Variants in CSTL1 observed in about 807,000 individuals in gnomAD.
The protein encoded by CSTL1 is cystatin-like 1.
Under a neutral mutation model 14.4 loss-of-function variants are expected in CSTL1, and 14 were observed. The observed-to-expected ratio is 0.97, with a 90% CI of 0.64 to 1.52. The LOEUF is 1.52. CSTL1 is among the 40% of genes most tolerant of loss of function. CSTL1 has a pLI of 0.00. For synonymous variants in CSTL1, 72 were observed against 67.5 expected (o/e 1.07, Z -0.33); for missense variants, 170 against 168.7 (o/e 1.01, Z -0.04).
At chr20:23,443,164 C>T (rs1986876981) in intron 2 of CSTL1, among the ~76,000 whole-genome samples, 1 of 152,182 alleles carries the variant, frequency 6.6e-6, no homozygotes, top group East Asian at 1.9e-4. Context: ...AACTGAGATT[C>T]AGTAAAATTT....
At chr20:23,441,099 T>A (rs1007422830) in intron 2 of CSTL1, among the ~76,000 whole-genome samples, 1 of 152,208 alleles carries the variant, frequency 6.6e-6, no homozygotes, top group South Asian at 2.1e-4. Context: ...CATTCTGATA[T>A]TTGACCCTGC....
the CSTL1 span, among the ~76,000 whole-genome samples, chr20:23,456,286 T>C: frequency 6.6e-6 from 1 of 152,206 alleles, no homozygotes; most frequent in Non-Finnish European, 1.5e-5. Context: ...TTTTTGGAGA[T>C]GGTCAAAACT....
downstream of CSTL1, among the ~76,000 whole-genome samples, chr20:23,447,578 C>T (rs543599236): frequency 6.6e-6 from 1 of 152,100 alleles, no homozygotes; most frequent in South Asian, 2.1e-4. Context: ...CTGCCTCAGC[C>T]TCCCAAGTAG....
At chr20:23,440,729 G>A (rs1986809571) in intron 2 of CSTL1, 2 of 601,864 alleles carry the variant, frequency 3.3e-6, no homozygotes, top group African/African-American at 1.9e-5. Context: ...ACACTTAGAG[G>A]CAAAAGTGTT....
At chr20:23,453,663 T>C in the CSTL1 span, among the ~76,000 whole-genome samples, 2 of 152,168 alleles carry the variant, frequency 1.3e-5, no homozygotes, top group African/African-American at 4.8e-5. Flanking sequence ...AGGCCTGTTA[T>C]GGTGTCTTTT....
the CSTL1 span, chr20:23,450,369 TA>T: frequency 1.7e-6 from 1 of 596,310 alleles, no homozygotes; most frequent in Non-Finnish European, 2.7e-6. Context: ...AGAATTTGGA[TA>T]AAAAGAAAAA....
At chr20:23,441,270 G>A (rs1986824848) in intron 2 of CSTL1, among the ~76,000 whole-genome samples, 1 of 152,182 alleles carries the variant, frequency 6.6e-6, no homozygotes, top group Admixed American at 6.5e-5. Flanking sequence ...ATTATACAGA[G>A]GGTTTATTCT....
the CSTL1 span, chr20:23,451,778 A>G: frequency 2.1e-6 from 3 of 1,450,540 alleles, no homozygotes; most frequent in Non-Finnish European, 2.9e-6. Flanking sequence ...CTCACTGAAA[A>G]GGACTTCTGT....
At chr20:23,452,103 G>A in the CSTL1 span, among the ~76,000 whole-genome samples, 11 of 152,332 alleles carry the variant, frequency 7.2e-5, no homozygotes, top group Non-Finnish European at 1.3e-4. Flanking sequence ...GAATTAACCA[G>A]AAACCATCAG....
At chr20:23,456,850 A>G in the CSTL1 span, among the ~76,000 whole-genome samples, 1 of 151,342 alleles carries the variant, frequency 6.6e-6, no homozygotes. Context: ...CAGTCTCTCT[A>G]CTCTCTGGCC....
At chr20:23,460,800 G>A in the CSTL1 span, among the ~76,000 whole-genome samples, 2 of 152,064 alleles carry the variant, frequency 1.3e-5, no homozygotes, top group African/African-American at 2.4e-5. Flanking sequence ...TAAATTTTGG[G>A]GCCCCAAGCT....
chr20:23,454,217 A>G, the CSTL1 span, among the ~76,000 whole-genome samples: 1 of 151,568 alleles, frequency 6.6e-6, no homozygotes, highest in Admixed American at 6.6e-5. Context: ...ATATAGACAC[A>G]CAACACACAC....
chr20:23,440,017 G>T, intron 1 of CSTL1, 127 bp from the exon 2 acceptor site: 1 of 513,290 alleles, frequency 1.9e-6, no homozygotes. Flanking sequence ...GCACGCCTTA[G>T]CAGGTGTTTA....
chr20:23,456,089 C>A, the CSTL1 span, among the ~76,000 whole-genome samples: 1 of 152,210 alleles, frequency 6.6e-6, no homozygotes, highest in Non-Finnish European at 1.5e-5. Flanking sequence ...TGGCCCACTC[C>A]CCTGAAAACA....
At chr20:23,451,174 C>CCT in the CSTL1 span, among the ~76,000 whole-genome samples, 1 of 152,232 alleles carries the variant, frequency 6.6e-6, no homozygotes, top group Non-Finnish European at 1.5e-5. Context: ...TGCTTCCTCT[C>CCT]CCTCAGTGCA....
chr20:23,445,061 A>G (rs1453720662), downstream of CSTL1: 2 of 640,344 alleles, frequency 3.1e-6, no homozygotes, highest in Non-Finnish European at 5.7e-6. Context: ...CGACACCCTC[A>G]CACTCTCACC....
At chr20:23,447,369 G>A (rs536755772), downstream of CSTL1, among the ~76,000 whole-genome samples, 120 of 152,142 alleles carry the variant, frequency 7.9e-4, 1 homozygote, top group African/African-American at 2.7e-3. Context: ...ATGTACTTTT[G>A]GGTCGTTTTC....
downstream of CSTL1, among the ~76,000 whole-genome samples, chr20:23,448,195 A>G (rs1312026311): frequency 6.6e-6 from 1 of 152,160 alleles, no homozygotes; most frequent in African/African-American, 2.4e-5. Context: ...ACAATTTCAT[A>G]TTGACACTCT....
Position 23,440,398 on chromosome 20 carries a change from C to T in CSTL1, c.131C>T (p.Thr44Ile), listed in dbSNP as rs777047334. 5 of 1,613,990 alleles carry T rather than the reference C, an allele frequency of 3.1e-6. No homozygotes were observed. The highest frequency in any genetic ancestry group is 4.2e-6 in the Non-Finnish European group (5 of 1,179,962). ...KLMSKKNMNS[T>I]LNFFIQSYNN... ...ATGAGCAAGAAGAACATGAATTCAA[C>T]ACTCAACTTCTTCATTCAATCCTAC... The change falls in exon 2 of 4, where the codon ACA becomes ATA. Residue 44 changes from threonine (T) to isoleucine (I), a missense_variant. Thr to Ile is a moderately conservative substitution (Grantham distance 89). Transcript: ENST00000347397.
Sources: allele counts gnomAD v4.1 joint callset (sites outside exome capture counted in the v4.1 genomes callset), GRCh38; gene constraint gnomAD v4.1.1; transcripts MANE v1.5; gene names NCBI Gene and HGNC (gene_info 2026-07-23, HGNC 2026-07-21).